C1orf185: variants seen among roughly 807,000 people sequenced by gnomAD.
The protein encoded by C1orf185 is uncharacterized protein C1orf185.
Under a neutral mutation model 16.1 loss-of-function variants are expected in C1orf185, and 13 were observed. That is an observed-to-expected ratio of 0.81 (90% CI 0.53 to 1.28). The LOEUF (loss-of-function observed/expected upper bound fraction) is 1.28, where lower values mean the gene tolerates loss of function less well. Ranked by LOEUF, C1orf185 falls within the 50% of genes most tolerant of loss-of-function variation. The probability of loss-of-function intolerance (pLI) is 0.00; values close to 1 mark genes in which losing one functional copy is unlikely to be tolerated. For synonymous variants in C1orf185, 80 were observed against 76.9 expected (o/e 1.04, Z -0.21); for missense variants, 220 against 225.2 (o/e 0.98, Z 0.15).
intron 3 of C1orf185, among the ~76,000 whole-genome samples, chr1:51,119,706 A>G (rs1272950693): frequency 1.3e-5 from 2 of 152,222 alleles, no homozygotes; most frequent in African/African-American, 4.8e-5. Flanking sequence ...AGGCTGAGGC[A>G]GGAGGATCCT....
intron 3 of C1orf185, among the ~76,000 whole-genome samples, chr1:51,130,833 T>C (rs780239322): frequency 6.6e-6 from 1 of 152,210 alleles, no homozygotes; most frequent in Admixed American, 6.5e-5. Context: ...GTTTTGTTCT[T>C]TTTCAAGATT....
chr1:51,121,095 T>A (rs1646194130), intron 3 of C1orf185, among the ~76,000 whole-genome samples: 1 of 152,206 alleles, frequency 6.6e-6, no homozygotes, highest in African/African-American at 2.4e-5. Context: ...CACATACTTG[T>A]CATTTTTTGT....
chr1:51,149,634 C>T (rs1291627773), downstream of C1orf185, among the ~76,000 whole-genome samples: 1 of 152,128 alleles, frequency 6.6e-6, no homozygotes, highest in Admixed American at 6.5e-5. Context: ...ATAAGAGATT[C>T]TGGCTTTCAT....
At chr1:51,144,220 A>G (rs1319706371) in intron 3 of C1orf185, among the ~76,000 whole-genome samples, 1 of 152,180 alleles carries the variant, frequency 6.6e-6, no homozygotes, top group Non-Finnish European at 1.5e-5. Context: ...CTTATACCCC[A>G]TTCCAGACCT....
At chr1:51,110,869 T>A (rs1646111425) in intron 1 of C1orf185, among the ~76,000 whole-genome samples, 1 of 151,724 alleles carries the variant, frequency 6.6e-6, no homozygotes, top group South Asian at 2.1e-4. Context: ...CTTGGGAGGG[T>A]GAGGCAGGAG....
chr1:51,119,485 T>C (rs1646182420), intron 3 of C1orf185, among the ~76,000 whole-genome samples: 1 of 152,206 alleles, frequency 6.6e-6, no homozygotes, highest in South Asian at 2.1e-4. Flanking sequence ...GTACTCGGTG[T>C]TCATTGATTT....
intron 3 of C1orf185, among the ~76,000 whole-genome samples, chr1:51,141,410 T>G (rs1414643575): frequency 6.6e-6 from 1 of 152,128 alleles, no homozygotes; most frequent in Non-Finnish European, 1.5e-5. Context: ...AGGATCAGCT[T>G]AAGCCCAGGA....
chr1:51,141,168 A>G (rs1256068878), intron 3 of C1orf185, among the ~76,000 whole-genome samples: 2 of 152,192 alleles, frequency 1.3e-5, no homozygotes, highest in Non-Finnish European at 2.9e-5. Flanking sequence ...AAGTTTTGCT[A>G]TGTTGAACAG....
At chr1:51,141,512 A>G (rs929277474) in intron 3 of C1orf185, among the ~76,000 whole-genome samples, 1 of 152,146 alleles carries the variant, frequency 6.6e-6, no homozygotes, top group Non-Finnish European at 1.5e-5. Context: ...AAAAAAATCA[A>G]GTACTTATAA....
intron 3 of C1orf185, among the ~76,000 whole-genome samples, chr1:51,122,782 T>A (rs1392221138): frequency 6.6e-6 from 1 of 152,208 alleles, no homozygotes; most frequent in Non-Finnish European, 1.5e-5. Context: ...CCCTGATCCT[T>A]TTACTGTTTC....
intron 1 of C1orf185, among the ~76,000 whole-genome samples, chr1:51,103,734 C>A (rs1646050524): frequency 6.6e-6 from 1 of 152,122 alleles, no homozygotes; most frequent in Non-Finnish European, 1.5e-5. Flanking sequence ...AGGGTTTCAA[C>A]ATGTTGGCCA....
chr1:51,121,815 G>T (rs954116165), intron 3 of C1orf185, among the ~76,000 whole-genome samples: 9 of 151,920 alleles, frequency 5.9e-5, no homozygotes, highest in Non-Finnish European at 1.2e-4. Flanking sequence ...ATAATAAATG[G>T]ATTTTTTATA....
At chr1:51,113,740 TA>T (rs1359046648) in intron 2 of C1orf185, among the ~76,000 whole-genome samples, 4 of 152,178 alleles carry the variant, frequency 2.6e-5, no homozygotes, top group Non-Finnish European at 5.9e-5. Context: ...GTCTAATGTT[TA>T]AAATATATAA....
At chr1:51,139,256 C>A (rs1646348023) in intron 3 of C1orf185, among the ~76,000 whole-genome samples, 1 of 151,996 alleles carries the variant, frequency 6.6e-6, no homozygotes. Context: ...GTGCTCGCCA[C>A]CACACCCGGC....
At chr1:51,130,672 T>C (rs562285547) in intron 3 of C1orf185, among the ~76,000 whole-genome samples, 203 of 152,352 alleles carry the variant, frequency 1.3e-3, no homozygotes, top group African/African-American at 4.7e-3. Context: ...CTCAGCACAC[T>C]TATCAAAAAT....
intron 2 of C1orf185, among the ~76,000 whole-genome samples, chr1:51,117,965 G>A (rs1462138783): frequency 1.3e-5 from 2 of 152,130 alleles, no homozygotes; most frequent in South Asian, 2.1e-4. Flanking sequence ...CCAGGCTGGA[G>A]TGTAGTGATA....
intron 3 of C1orf185, among the ~76,000 whole-genome samples, chr1:51,144,826 A>G (rs1341170934): frequency 6.6e-6 from 1 of 152,216 alleles, no homozygotes; most frequent in African/African-American, 2.4e-5. Context: ...CTCCCAGAAC[A>G]TAAGACGTGA....
At chr1:51,140,028 T>C (rs750414042) in intron 3 of C1orf185, among the ~76,000 whole-genome samples, 1 of 152,198 alleles carries the variant, frequency 6.6e-6, no homozygotes, top group Non-Finnish European at 1.5e-5. Context: ...AAAGCAAATT[T>C]CTTAGTCAAG....
Position 51,123,092 on chromosome 1 carries a change from TG to T in C1orf185, c.258+4295del, listed in dbSNP as rs539273222. Among the ~76,000 whole-genome samples, 821 of 152,280 alleles carry T rather than the reference TG, an allele frequency of 5.4e-3. 26 individuals carry two copies. Among genetic ancestry groups the T allele is most frequent in the Non-Finnish European group, 1.2e-3 (80 of 68,016 alleles). ...TTCTGGTAGGATTTCTGCAAAGTCC[TG>T]GGGTGGCATAGGGCATCACATGGTG... On this transcript the variant is annotated intron_variant, in intron 3 of 4. Transcript: ENST00000371759.
Sources: allele counts gnomAD v4.1 joint callset (sites outside exome capture counted in the v4.1 genomes callset), GRCh38; gene constraint gnomAD v4.1.1; transcripts MANE v1.5; gene names NCBI Gene and HGNC (gene_info 2026-07-23, HGNC 2026-07-21).